The following MTM1 variants were observed in gnomAD, a reference collection of about 807,000 sequenced individuals.
MTM1 encodes the protein myotubularin 1.
Under a neutral mutation model 52.1 loss-of-function variants are expected in MTM1, and 9 were observed. That is an observed-to-expected ratio of 0.17 (90% CI 0.10 to 0.30). The LOEUF is 0.30. Among genes scored for constraint, MTM1 ranks in the 10% least tolerant of loss-of-function variants. The pLI is 1.00. For synonymous variants in MTM1, 136 were observed against 163.8 expected (o/e 0.83, Z 1.29); for missense variants, 277 against 470.7 (o/e 0.59, Z 3.81).
intron 4 of MTM1, among the ~76,000 whole-genome samples, chrX:150,612,210 G>A (rs921964381): frequency 3.7e-5 from 4 of 109,516 alleles, no homozygotes; most frequent in Non-Finnish European, 7.6e-5. Flanking sequence ...AAAAAAGATT[G>A]GCGATTTTCA....
intron 8 of MTM1, among the ~76,000 whole-genome samples, chrX:150,643,756 G>A (rs2039885441): frequency 9.0e-6 from 1 of 111,613 alleles, no homozygotes; most frequent in South Asian, 3.7e-4. Context: ...TTTTGCTATT[G>A]TAAGTAATGC....
intron 6 of MTM1, among the ~76,000 whole-genome samples, chrX:150,628,881 G>GT (rs2039617160): frequency 9.1e-6 from 1 of 109,507 alleles, no homozygotes; most frequent in African/African-American, 3.3e-5. Flanking sequence ...GTGTCTCACT[G>GT]TGTTGCCCAG....
intron 10 of MTM1, among the ~76,000 whole-genome samples, chrX:150,651,376 A>C (rs1312311889): frequency 1.8e-5 from 2 of 111,062 alleles, no homozygotes; most frequent in Non-Finnish European, 3.8e-5. Flanking sequence ...ACTTATTATT[A>C]ATAAAGTTCA....
At chrX:150,626,539 A>G (rs1557413431) in intron 6 of MTM1, among the ~76,000 whole-genome samples, 1 of 110,718 alleles carries the variant, frequency 9.0e-6, no homozygotes, top group African/African-American at 3.3e-5. Flanking sequence ...CAATCTCTTG[A>G]CCTTGTGATC....
At chrX:150,624,976 C>T (rs1334410047) in intron 6 of MTM1, among the ~76,000 whole-genome samples, 1 of 111,777 alleles carries the variant, frequency 8.9e-6, no homozygotes, top group African/African-American at 3.3e-5. Flanking sequence ...TAGACTCACA[C>T]AAAGGAAGGC....
At chrX:150,593,139 C>T (rs1163809241) in intron 2 of MTM1, among the ~76,000 whole-genome samples, 1 of 112,488 alleles carries the variant, frequency 8.9e-6, no homozygotes, top group African/African-American at 3.2e-5. Context: ...GCTACCACGC[C>T]GGCCCAGAAA....
intron 6 of MTM1, among the ~76,000 whole-genome samples, chrX:150,632,410 G>T (rs2039685587): frequency 8.9e-6 from 1 of 112,011 alleles, no homozygotes; most frequent in Non-Finnish European, 1.9e-5. Flanking sequence ...GGCAGAGGAG[G>T]CTGGGTCAAA....
intron 1 of MTM1, among the ~76,000 whole-genome samples, chrX:150,587,418 G>A (rs2038809183): frequency 9.0e-6 from 1 of 111,518 alleles, no homozygotes; most frequent in South Asian, 3.8e-4. Flanking sequence ...GAAATGTCTG[G>A]GTATCTGGCC....
At chrX:150,584,069 T>A (rs2038736954) in intron 1 of MTM1, among the ~76,000 whole-genome samples, 1 of 98,639 alleles carries the variant, frequency 1.0e-5, no homozygotes, top group Non-Finnish European at 2.0e-5. Context: ...AATATATATT[T>A]TCATATATAT....
chrX:150,658,067 C>T, intron 11 of MTM1, 40 bp downstream of exon 11: 1 of 1,035,277 alleles, frequency 9.7e-7, no homozygotes, highest in African/African-American at 1.9e-5. Flanking sequence ...AGATCACTAC[C>T]ATTCAGGATT....
chrX:150,622,381 A>C (rs2039497612), intron 6 of MTM1, among the ~76,000 whole-genome samples: 1 of 111,792 alleles, frequency 8.9e-6, no homozygotes, highest in Non-Finnish European at 1.9e-5. Flanking sequence ...CTGATATTCA[A>C]GTCCACATGT....
intron 3 of MTM1, among the ~76,000 whole-genome samples, chrX:150,597,314 C>A (rs187227110): frequency 9.5e-4 from 106 of 111,936 alleles, no homozygotes; most frequent in Middle Eastern, 4.6e-3. Context: ...AGATGGCGGG[C>A]CTAAGCGAGG....
chrX:150,625,601 A>C (rs782557927), intron 6 of MTM1, among the ~76,000 whole-genome samples: 2 of 112,100 alleles, frequency 1.8e-5, no homozygotes, highest in South Asian at 7.5e-4. Context: ...TTCTTTAGAA[A>C]TGGTTTTCCA....
chrX:150,614,535 A>T lies in MTM1; in HGVS notation c.232-54A>T, dbSNP rs143312552. The T allele has an allele frequency of 8.5e-4, 611 of 714,764 alleles. 3 individuals are homozygous for T. In the African/African-American group the frequency reaches 0.011, roughly 13 times the overall value. 58.9% of individuals were successfully genotyped at this position (714,764 alleles called of 1,213,427 possible). On this transcript the variant is annotated intron_variant, in intron 4 of 14. Transcript: ENST00000370396. ...TATGGTTGTTTTTATATGTTTTTTG[A>T]TGTTTTAATTATACTGACAGAAATA...
chrX:150,606,002 C>A (rs146358525), intron 4 of MTM1, among the ~76,000 whole-genome samples: 64 of 106,598 alleles, frequency 6.0e-4, no homozygotes, highest in African/African-American at 2.2e-3. Context: ...GTATTTTTTC[C>A]TTGAAGAAAA....
intron 6 of MTM1, 119 bp downstream of exon 6, chrX:150,619,258 G>A: frequency 1.8e-6 from 1 of 559,500 alleles, no homozygotes; most frequent in Non-Finnish European, 3.2e-6. Flanking sequence ...AGTGTGATGT[G>A]TCTGCAGAGG....
At chrX:150,584,266 A>G (rs1343846966) in intron 1 of MTM1, among the ~76,000 whole-genome samples, 1 of 108,730 alleles carries the variant, frequency 9.2e-6, no homozygotes, top group Non-Finnish European at 1.9e-5. Flanking sequence ...AAATGAGTGG[A>G]ACACAACTAT....
chrX:150,671,131 C>T (rs2040389342), intron 14 of MTM1, among the ~76,000 whole-genome samples: 1 of 111,185 alleles, frequency 9.0e-6, no homozygotes, highest in Admixed American at 9.6e-5. Context: ...ACGGGCAACA[C>T]GGGAGACTGG....
chrX:150,607,754 C>A (rs2039194978), intron 4 of MTM1, among the ~76,000 whole-genome samples: 1 of 111,719 alleles, frequency 9.0e-6, no homozygotes, highest in South Asian at 3.7e-4. Flanking sequence ...CATTGAGTAT[C>A]TGAGAGTCCA....
Sources: allele counts gnomAD v4.1 joint callset (sites outside exome capture counted in the v4.1 genomes callset), GRCh38; gene constraint gnomAD v4.1.1; transcripts MANE v1.5; gene names NCBI Gene and HGNC (gene_info 2026-07-23, HGNC 2026-07-21).